Variants in ZCCHC10 observed in about 807,000 individuals in gnomAD.
ZCCHC10 encodes the protein zinc finger CCHC-type containing 10.
Under a neutral mutation model 19.5 loss-of-function variants are expected in ZCCHC10, and 16 were observed. That is an observed-to-expected ratio of 0.82 (90% CI 0.56 to 1.25). The LOEUF is 1.25. Among genes scored for constraint, ZCCHC10 ranks in the 50% most tolerant of loss-of-function variants. ZCCHC10 has a pLI of 0.00. For missense variants in ZCCHC10, 197 were observed against 201.0 expected, an observed-to-expected ratio of 0.98 and a Z score of 0.12; for synonymous variants, 67 against 72.5, an observed-to-expected ratio of 0.92 and a Z score of 0.38.
At chr5:133,025,755 A>C (rs1459934974) in intron 1 of ZCCHC10, among the ~76,000 whole-genome samples, 1 of 152,134 alleles carries the variant, frequency 6.6e-6, no homozygotes, top group Non-Finnish European at 1.5e-5. Context: ...ACCTCTTCAG[A>C]GATGCCTTTC....
At chr5:133,012,172 AAAAG>A (rs1489331923) in intron 2 of ZCCHC10, among the ~76,000 whole-genome samples, 1 of 148,918 alleles carries the variant, frequency 6.7e-6, no homozygotes, top group Non-Finnish European at 1.5e-5. Flanking sequence ...AAGAAAGAAA[AAAAG>A]AAAAAAGTGG....
intron 3 of ZCCHC10, among the ~76,000 whole-genome samples, chr5:133,005,338 C>CA (rs1003184032): frequency 6.7e-6 from 1 of 149,482 alleles, no homozygotes; most frequent in African/African-American, 2.5e-5. Context: ...GCCAGCTGGG[C>CA]ATGGTGGCTC....
intron 2 of ZCCHC10, among the ~76,000 whole-genome samples, chr5:133,007,415 C>T (rs1055316614): frequency 5.3e-5 from 8 of 151,914 alleles, no homozygotes; most frequent in Non-Finnish European, 1.0e-4. Context: ...TGGTGGTGGG[C>T]GCCTGTAGTC....
At chr5:133,018,970 T>G (rs1020138460) in intron 2 of ZCCHC10, 2 of 393,694 alleles carry the variant, frequency 5.1e-6, no homozygotes, top group African/African-American at 2.1e-5. Flanking sequence ...AGCTTATAGG[T>G]TGTTTTCTCC....
intron 1 of ZCCHC10, among the ~76,000 whole-genome samples, chr5:133,024,928 G>C (rs937036237): frequency 1.7e-4 from 26 of 151,710 alleles, no homozygotes; most frequent in Non-Finnish European, 2.9e-4. Flanking sequence ...AAACCTGTCT[G>C]ACTTCGAGCC....
chr5:133,000,207 A>G (rs765405457), intron 3 of ZCCHC10, 34 bp from the exon 4 acceptor site: 29 of 1,612,882 alleles, frequency 1.8e-5, no homozygotes, highest in Non-Finnish European at 2.1e-5. Context: ...AGCTCCTGTT[A>G]ATAGAGTGAT....
intron 3 of ZCCHC10, among the ~76,000 whole-genome samples, chr5:133,001,868 A>C (rs1172878022): frequency 6.6e-6 from 1 of 151,664 alleles, no homozygotes; most frequent in Non-Finnish European, 1.5e-5. Context: ...ACACAATGGA[A>C]TTACTTACTG....
chr5:133,001,398 A>AAAC lies in ZCCHC10; in HGVS notation c.270-1228_270-1226dup, dbSNP rs148198017. Reference sequence around the variant, plus strand: ...AGAGCAAGACTCTGTCTCAAAATAAAAACAACAACAACAACAACAACAAGA... The same window carrying AAAC: ...AGAGCAAGACTCTGTCTCAAAATAAAAACAACAACAACAACAACAACAACAAGA... On this transcript the variant is annotated intron_variant, in intron 3 of 4. Coordinates refer to ENST00000509437, the MANE Select transcript of ZCCHC10 (RefSeq NM_001300816.3). Among the ~76,000 whole-genome samples the AAAC allele has an allele frequency of 3.6e-4, 54 of 151,336 alleles. 1 individual carries two copies. The South Asian group carries it at 5.2e-3, about 15-fold the overall frequency.
Position 133,002,719 on chromosome 5 carries a change from G to A in ZCCHC10, c.270-2546C>T, listed in dbSNP as rs529906684. On this transcript the variant is annotated intron_variant, in intron 3 of 4. Transcript: ENST00000509437. ...GAACATATGAACATTTTTAACAGCT[G>A]ATACTTTTTCTTTTTTTTGAGGTGG... Among the ~76,000 whole-genome samples the A allele has an allele frequency of 3.0e-4, 42 of 140,016 alleles. No individual in the cohort carries two copies. The South Asian group carries it at 6.0e-3, about 20-fold the overall frequency. The allele number at this position is 140,016 out of a possible 152,430, so 91.9% of individuals were successfully genotyped here. A position where few individuals can be genotyped will look rare whatever the true frequency, so the allele number is the denominator to read the frequency against.
At chr5:133,011,960 T>A (rs1390908575) in intron 2 of ZCCHC10, among the ~76,000 whole-genome samples, 1 of 151,088 alleles carries the variant, frequency 6.6e-6, no homozygotes, top group African/African-American at 2.4e-5. Flanking sequence ...TGAAAGCCCA[T>A]CTCCACCAAA....
chr5:133,004,613 C>A (rs896066833), intron 3 of ZCCHC10, among the ~76,000 whole-genome samples: 1 of 152,130 alleles, frequency 6.6e-6, no homozygotes, highest in Non-Finnish European at 1.5e-5. Context: ...CTCAGCCTCC[C>A]GAATAGCTGG....
In ZCCHC10 at chr5:133,003,631, C is replaced by T. The variant is rs139329963; in HGVS notation, c.269+3128G>A. Among the ~76,000 whole-genome samples, 1,059 of 152,280 alleles carry T rather than the reference C, an allele frequency of 7.0e-3. 13 individuals carry two copies. The highest frequency in any genetic ancestry group is 0.015 in the African/African-American group (634 of 41,570). ...TTGGCCTCCCAAAGTGCTGGGATTA[C>T]AGGCATGAGCCACAGCATTTGGCTG... On this transcript the variant is annotated intron_variant, in intron 3 of 4. Coordinates refer to ENST00000509437, the MANE Select transcript of ZCCHC10 (RefSeq NM_001300816.3).
intron 2 of ZCCHC10, 46 bp downstream of exon 2, chr5:133,022,795 T>C: frequency 2.0e-6 from 1 of 506,914 alleles, no homozygotes; most frequent in Non-Finnish European, 3.5e-6. Context: ...GACACAAATG[T>C]ACATATTTAT....
chr5:133,012,796 A>T (rs1221670035), intron 2 of ZCCHC10, among the ~76,000 whole-genome samples: 3 of 152,116 alleles, frequency 2.0e-5, no homozygotes. Context: ...CACGCCTGTA[A>T]TCCCAGCACT....
chr5:133,012,059 C>T (rs144610500), intron 2 of ZCCHC10, among the ~76,000 whole-genome samples: 1 of 142,242 alleles, frequency 7.0e-6, no homozygotes, highest in Non-Finnish European at 1.5e-5. Flanking sequence ...ATTGCTCAAA[C>T]CTGGGAGGCA....
At chr5:133,026,115 A>G (rs142489459) in intron 1 of ZCCHC10, among the ~76,000 whole-genome samples, 203 of 152,338 alleles carry the variant, frequency 1.3e-3, no homozygotes, top group African/African-American at 4.4e-3. Context: ...GACACTGAAT[A>G]GGAAACTGAA....
chr5:133,001,527 T>A (rs1762774779), intron 3 of ZCCHC10, among the ~76,000 whole-genome samples: 1 of 151,848 alleles, frequency 6.6e-6, no homozygotes, highest in Admixed American at 6.6e-5. Context: ...AGTGGCATGA[T>A]CTTGGCTTAC....
At chr5:133,009,613 C>CAAAAA (rs59555378) in intron 2 of ZCCHC10, among the ~76,000 whole-genome samples, 3,286 of 55,366 alleles carry the variant, frequency 0.059, 361 homozygotes, top group East Asian at 0.31. Context: ...GACTCCGTCT[C>CAAAAA]AAAAAAAAAA....
intron 2 of ZCCHC10, among the ~76,000 whole-genome samples, chr5:133,016,944 CA>C (rs1319629781): frequency 4.6e-5 from 7 of 152,024 alleles, no homozygotes; most frequent in Non-Finnish European, 5.9e-5. Flanking sequence ...AGGCCCCCCC[CA>C]GACACATTTC....
Sources: gnomAD v4.1 joint callset for allele counts (sites outside exome capture counted in the v4.1 genomes callset) on GRCh38, gnomAD v4.1.1 for gene constraint, MANE v1.5 for transcripts, NCBI Gene and HGNC (gene_info 2026-07-23, HGNC 2026-07-21) for gene names.